The following UBAP1 variants were observed in gnomAD, a reference collection of about 807,000 sequenced individuals.
UBAP1 encodes the protein ubiquitin associated protein 1, also known as ubiquitin-associated protein 1.
In UBAP1, 5 loss-of-function variants were observed where a neutral mutation model predicts 39.0. That is an observed-to-expected ratio of 0.13 (90% CI 0.07 to 0.27). The LOEUF is 0.27. Among genes scored for constraint, UBAP1 ranks in the 10% least tolerant of loss-of-function variants. UBAP1 has a pLI of 1.00. For missense variants in UBAP1, 490 were observed against 608.1 expected, an observed-to-expected ratio of 0.81 and a Z score of 2.04; for synonymous variants, 211 against 225.1, an observed-to-expected ratio of 0.94 and a Z score of 0.56.
At chr9:34,206,743 A>G (rs1831718250) in intron 1 of UBAP1, among the ~76,000 whole-genome samples, 1 of 152,160 alleles carries the variant, frequency 6.6e-6, no homozygotes, top group Non-Finnish European at 1.5e-5. Context: ...TAATGTTACT[A>G]TACCTTTGAT....
intron 1 of UBAP1, chr9:34,206,335 C>T (rs35418892): frequency 0.33 from 49,373 of 151,898 alleles, 9,844 homozygotes; most frequent in Non-Finnish European, 0.45. Context: ...CTGAGCCAAA[C>T]GGCAAAATCC....
intron 1 of UBAP1, among the ~76,000 whole-genome samples, chr9:34,202,624 C>CGCGTGT (rs1554647599): frequency 5.6e-5 from 6 of 107,328 alleles, no homozygotes; most frequent in Non-Finnish European, 1.1e-4. Flanking sequence ...TAGACAGAAA[C>CGCGTGT]GTGTGTGTGT....
chr9:34,217,995 G>T (rs1033935465), intron 1 of UBAP1, among the ~76,000 whole-genome samples: 1 of 150,902 alleles, frequency 6.6e-6, no homozygotes, highest in African/African-American at 2.4e-5. Flanking sequence ...GCTCGCGTCT[G>T]TGATCCCAGC....
intron 1 of UBAP1, among the ~76,000 whole-genome samples, chr9:34,195,785 C>T (rs530851305): frequency 6.6e-5 from 10 of 151,600 alleles, no homozygotes; most frequent in East Asian, 1.9e-4. Flanking sequence ...TTAGTAGAGA[C>T]GGGGTTTCTC....
intron 1 of UBAP1, among the ~76,000 whole-genome samples, chr9:34,190,208 TAAAC>T (rs1263670115): frequency 6.6e-6 from 1 of 152,230 alleles, no homozygotes; most frequent in Non-Finnish European, 1.5e-5. Context: ...AATAAAATCT[TAAAC>T]AAAAATCACG....
In UBAP1 at chr9:34,198,219, C is replaced by T. The variant is rs569100096; in HGVS notation, c.-8+18979C>T. 2.0e-4 allele frequency among the ~76,000 whole-genome samples: 31 copies of T among 152,298 alleles called. No individual in the cohort carries two copies. The East Asian group carries it at 4.4e-3, about 22-fold the overall frequency. On this transcript the variant is annotated intron_variant, in intron 1 of 6. Coordinates refer to ENST00000297661, the MANE Select transcript of UBAP1 (RefSeq NM_016525.5). ...TGCAGGCTGTACTCTGGAATTTCCCCGGTCAGGTGAGGCTACAGGGTATGC... is the reference window on the plus strand; with the variant it reads ...TGCAGGCTGTACTCTGGAATTTCCCTGGTCAGGTGAGGCTACAGGGTATGC...
chr9:34,193,853 C>T (rs1039511601), intron 1 of UBAP1, among the ~76,000 whole-genome samples: 1 of 152,074 alleles, frequency 6.6e-6, no homozygotes, highest in Non-Finnish European at 1.5e-5. Context: ...TGTCAGGATG[C>T]CTTCTCTCAG....
chr9:34,180,271 C>T (rs948366515), intron 1 of UBAP1, among the ~76,000 whole-genome samples: 1 of 152,130 alleles, frequency 6.6e-6, no homozygotes, highest in Non-Finnish European at 1.5e-5. Context: ...AATCCCAGCA[C>T]TTTGGGAGGC....
intron 1 of UBAP1, among the ~76,000 whole-genome samples, chr9:34,181,111 G>GTTTTTTTTT (rs1563879456): frequency 4.3e-4 from 15 of 35,244 alleles, no homozygotes; most frequent in Admixed American, 1.4e-3. Context: ...CACCCGGCCT[G>GTTTTTTTTT]TTTTCTTTTT....
chr9:34,200,938 T>G, intron 1 of UBAP1, among the ~76,000 whole-genome samples: 1 of 152,190 alleles, frequency 6.6e-6, no homozygotes, highest in African/African-American at 2.4e-5. Context: ...AGATGGAGTT[T>G]CGCTCTTGTT....
intron 2 of UBAP1, among the ~76,000 whole-genome samples, chr9:34,223,661 TAGCC>T (rs1318483356): frequency 6.6e-6 from 1 of 152,118 alleles, no homozygotes; most frequent in Non-Finnish European, 1.5e-5. Context: ...TTTACCGTAT[TAGCC>T]AGGATGGTCT....
intron 1 of UBAP1, among the ~76,000 whole-genome samples, chr9:34,194,626 C>G (rs1445695636): frequency 6.6e-6 from 1 of 152,078 alleles, no homozygotes; most frequent in African/African-American, 2.4e-5. Context: ...TAAAAATTTT[C>G]TTTAAGCCAC....
rs528717662 is a variant in UBAP1 at position 34,188,546 on chromosome 9, C to T, written c.-8+9306C>T. ...CCTCCCCAAGTGCTGGGATTACAGA[C>T]GTGAGCCACCATGCCTGGTGCTTTC... On this transcript the variant is annotated intron_variant, in intron 1 of 6. Coordinates refer to ENST00000297661, the MANE Select transcript of UBAP1 (RefSeq NM_016525.5). 1.3e-4 allele frequency among the ~76,000 whole-genome samples: 19 copies of T among 149,996 alleles called. No individual in the cohort carries two copies. The South Asian group carries it at 3.9e-3, about 31-fold the overall frequency.
chr9:34,202,538 T>TA (rs1831432885), intron 1 of UBAP1, among the ~76,000 whole-genome samples: 1 of 151,790 alleles, frequency 6.6e-6, no homozygotes, highest in African/African-American at 2.4e-5. Context: ...GAGATTCTGT[T>TA]TTCTGAGGCC....
At position 34,241,825 on chromosome 9, in the gene UBAP1, C is replaced by A. The variant is rs780492709; in HGVS notation, c.800C>A (p.Ser267Tyr). 1 of 1,614,026 alleles carries A rather than the reference C, an allele frequency of 6.2e-7. No individual in the cohort carries two copies. Among genetic ancestry groups the A allele is most frequent in the East Asian group, 2.2e-5 (1 of 44,890 alleles). ...IPAVSNIKSL[S>Y]FPKLDSDDSN... Reference sequence around the variant, plus strand: ...GCAGTAAGCAATATCAAATCCCTGTCTTTCCCCAAACTTGACTCTGATGAC... The same window carrying A: ...GCAGTAAGCAATATCAAATCCCTGTATTTCCCCAAACTTGACTCTGATGAC... The change falls in exon 4 of 7, where the codon TCT (serine) becomes TAT (tyrosine). Residue 267 changes from serine (S) to tyrosine (Y), a missense_variant. This residue lies in a region of UBAP1 where 339 missense variants were observed against 390.0 expected (regional missense o/e 0.87). Coordinates refer to ENST00000297661, the MANE Select transcript of UBAP1 (RefSeq NM_016525.5).
rs775069748 is a variant in UBAP1, at chr9:34,251,552, C to T, written c.*20C>T. 6.2e-6 allele frequency: 10 copies of T among 1,610,688 alleles called. No individual in the cohort carries two copies. In the African/African-American group the frequency reaches 1.1e-4, roughly 17 times the overall value. On this transcript the variant is annotated 3_prime_UTR_variant, in exon 7 of 7. Transcript: ENST00000297661. ...AGCTGAGACCAGGCCCTGCCTAGGC[C>T]CTGCCGCAGAACCACCATCCCTGGG... is the stretch of plus-strand genomic sequence containing the variant.
chr9:34,221,133 T>C (rs569370907), intron 2 of UBAP1, among the ~76,000 whole-genome samples, 185 bp downstream of exon 2: 34 of 152,318 alleles, frequency 2.2e-4, no homozygotes, highest in African/African-American at 8.2e-4. Context: ...GAAGTATTTC[T>C]TCAAATGGGT....
At chr9:34,194,389 G>A (rs1285450666) in intron 1 of UBAP1, among the ~76,000 whole-genome samples, 2 of 150,920 alleles carry the variant, frequency 1.3e-5, no homozygotes, top group East Asian at 1.9e-4. Flanking sequence ...ATCTCGGCTC[G>A]CTGTAAACTC....
chr9:34,184,963 T>C (rs1830315674), intron 1 of UBAP1, among the ~76,000 whole-genome samples: 1 of 124,512 alleles, frequency 8.0e-6, no homozygotes, highest in South Asian at 2.5e-4. Context: ...AGATGAAGTC[T>C]CGCTCTTATT....
Sources: gnomAD v4.1 joint callset for allele counts (sites outside exome capture counted in the v4.1 genomes callset) on GRCh38, gnomAD v4.1.1 for gene constraint, gnomAD v4.1.1 regional missense constraint, MANE v1.5 for transcripts, NCBI Gene and HGNC (gene_info 2026-07-23, HGNC 2026-07-21) for gene names.